XPC: variants seen among roughly 807,000 people sequenced by gnomAD.
XPC encodes DNA repair protein complementing XP-C cells.
A neutral mutation model predicts 95.8 loss-of-function variants in XPC; 76 were observed. The ratio of observed to expected loss-of-function variants is 0.79; its 90% CI spans 0.66 to 0.96. The LOEUF is 0.96. XPC is among the 40% of genes least tolerant of loss of function. XPC has a pLI of 0.00. For synonymous variants in XPC, 442 were observed against 442.1 expected, an observed-to-expected ratio of 1.00 and a Z score of 0.00; for missense variants, 1,146 against 1,179.8, an observed-to-expected ratio of 0.97 and a Z score of 0.42.
At position 14,147,971 on chromosome 3, in the gene XPC, G is replaced by C; in HGVS notation, c.2451C>G (p.Phe817Leu). ...CCCAGGCAGTCAGGAGCACGTCTTT[G>C]AATTCCTCGCAGACGATGTATCCAT... is the stretch of plus-strand genomic sequence containing the variant. ...VTDGYIVCEE[F>L]KDVLLTAWEN... The change falls in exon 14 of 16, where the codon TTC (phenylalanine) becomes TTG (leucine). Residue 817 changes from phenylalanine (F) to leucine (L), a missense_variant. Phe to Leu is a conservative substitution (Grantham distance 22, BLOSUM62 0). Transcript: ENST00000285021. 1 of 1,597,744 alleles carries C rather than the reference G, an allele frequency of 6.3e-7. No individual in the cohort carries two copies.
At chr3:14,157,806 C>T (rs767862766) in intron 9 of XPC, among the ~76,000 whole-genome samples, 2 of 152,134 alleles carry the variant, frequency 1.3e-5, no homozygotes, top group Non-Finnish European at 2.9e-5. Context: ...GCTCAAGCAC[C>T]GCGGCAGTTC....
chr3:14,172,629 G>A (rs1459964658), intron 2 of XPC, among the ~76,000 whole-genome samples: 1 of 152,180 alleles, frequency 6.6e-6, no homozygotes, highest in Non-Finnish European at 1.5e-5. Context: ...GAAGACCTGG[G>A]TTCTCCTGCT....
intron 10 of XPC, 197 bp from the exon 11 acceptor site, chr3:14,152,613 G>GTGTC (rs771356579): frequency 1.1e-5 from 6 of 532,684 alleles, no homozygotes; most frequent in Non-Finnish European, 1.6e-5. Flanking sequence ...TTTGGGGGAT[G>GTGTC]TGTCCACTTA....
chr3:14,147,699 G>A (rs1032538591), intron 14 of XPC: 45 of 600,272 alleles, frequency 7.5e-5, no homozygotes, highest in African/African-American at 3.4e-4. Flanking sequence ...CCCAGAGCCC[G>A]GACCCAGGCT....
At chr3:14,169,937 T>C (rs1245263830) in intron 3 of XPC, among the ~76,000 whole-genome samples, 1 of 152,220 alleles carries the variant, frequency 6.6e-6, no homozygotes, top group Non-Finnish European at 1.5e-5. Context: ...TTACTGTGAG[T>C]GTATGATACA....
rs193119441 is a variant in XPC at position 14,177,826 on chromosome 3, A to T, written c.103+640T>A. 2.4e-4 allele frequency among the ~76,000 whole-genome samples: 35 copies of T among 148,684 alleles called. 1 individual carries two copies. In the South Asian group the frequency reaches 4.5e-3, roughly 19 times the overall value. On this transcript the variant is annotated intron_variant, in intron 1 of 15. Transcript: ENST00000285021. ...ACTTGGACAGGGGCTGTGGTCATGGAAATGAAGAGAAGTGGACAAATTTGA... is the reference window on the plus strand; with the variant it reads ...ACTTGGACAGGGGCTGTGGTCATGGTAATGAAGAGAAGTGGACAAATTTGA...
intron 2 of XPC, among the ~76,000 whole-genome samples, chr3:14,171,421 G>A (rs1696607538): frequency 6.6e-6 from 1 of 152,176 alleles, no homozygotes; most frequent in Admixed American, 6.5e-5. Context: ...TCAGGGGAGA[G>A]GGAAAGGGGG....
chr3:14,159,597 C>T (rs886419294), intron 8 of XPC, 144 bp downstream of exon 8: 1 of 819,656 alleles, frequency 1.2e-6, no homozygotes, highest in Non-Finnish European at 2.0e-6. Flanking sequence ...CCAAGTCTTC[C>T]CTAACACAGG....
intron 1 of XPC, among the ~76,000 whole-genome samples, chr3:14,175,662 A>G (rs990923745): frequency 2.6e-5 from 4 of 152,248 alleles, no homozygotes; most frequent in Admixed American, 2.6e-4. Context: ...GTGCTTTAGT[A>G]ACACAAAGGA....
rs372920694 is a variant in XPC at position 14,158,760 on chromosome 3, C to G, written c.1123G>C (p.Gly375Arg). 6.2e-7 allele frequency: 1 copy of G among 1,613,848 alleles called. No individual in the cohort carries two copies. Among genetic ancestry groups the G allele is most frequent in the Non-Finnish European group, 8.5e-7 (1 of 1,179,866 alleles). ...CCTTTGGCACTTGGCCTGCAGGTGCCCTTAGCAAAGGTTTCCTCTTGTTTG... is the reference window on the plus strand; with the variant it reads ...CCTTTGGCACTTGGCCTGCAGGTGCGCTTAGCAAAGGTTTCCTCTTGTTTG... Reference protein sequence around the residue: ...GTKQEETFAKGTCRPSAKGKR... With the variant: ...GTKQEETFAKRTCRPSAKGKR... The change falls in exon 9 of 16, where the codon GGC becomes CGC. Residue 375 changes from glycine to arginine, a missense_variant. Physicochemically the swap from Gly to Arg is moderately radical, Grantham distance 125 (BLOSUM62 -2). Coordinates refer to ENST00000285021, the MANE Select transcript of XPC (RefSeq NM_004628.5). The surrounding 1 kb of genome is among the most constrained non-coding windows in gnomAD (Gnocchi z 5.2).
rs1180895832 is a variant in XPC, at chr3:14,158,066, G to C, written c.1817C>G (p.Thr606Ser). The C allele has an allele frequency of 1.2e-6, 2 of 1,613,508 alleles. No homozygotes were observed. Among genetic ancestry groups the C allele is most frequent in the Non-Finnish European group, 8.5e-7 (1 of 1,179,616 alleles). ...AAATGGGCTCTGGTATGGTCTCAAG[G>C]TCTCGGCCCACCACTCAGCATCAAC... ...CRVDAEWWAE[T>S]LRPYQSPFMD... Residue 606 changes from threonine to serine, a missense_variant, in exon 9 of 16, where the codon ACC becomes AGC. Physicochemically the swap from Thr to Ser is moderately conservative, Grantham distance 58. Transcript: ENST00000285021. The surrounding 1 kb of genome is among the most constrained non-coding windows in gnomAD (Gnocchi z 5.2).
intron 7 of XPC, among the ~76,000 whole-genome samples, chr3:14,160,224 T>C (rs999642357): frequency 6.6e-6 from 1 of 152,218 alleles, no homozygotes; most frequent in African/African-American, 2.4e-5. Flanking sequence ...GTAGTCAATA[T>C]GTGTTGCGTT....
chr3:14,166,168 T>G (rs1696370061), intron 5 of XPC, among the ~76,000 whole-genome samples: 1 of 152,168 alleles, frequency 6.6e-6, no homozygotes. Flanking sequence ...TTTCACATAC[T>G]GCTTTGTGTC....
Position 14,158,376 on chromosome 3 carries a change from T to A in XPC, c.1507A>T (p.Ser503Cys). 8.1e-6 allele frequency: 13 copies of A among 1,613,964 alleles called. No homozygotes were observed. The highest frequency in any genetic ancestry group is 1.0e-5 in the Non-Finnish European group (12 of 1,179,884). ...TTGCCTCTTTTACTGCTTGAAGAGC[T>A]TGAGGATGCCGCTGGCAAGCTTGGG... ...KDPSLPAASS[S>C]SSSSKRGKKM... is the part of the protein sequence containing the mutation. The change falls in exon 9 of 16, where the codon AGC becomes TGC. Residue 503 changes from serine (S) to cysteine (C), a missense_variant. Coordinates refer to ENST00000285021, the MANE Select transcript of XPC (RefSeq NM_004628.5). This position sits in a 1 kb window ranked among gnomAD's most constrained non-coding sequence, Gnocchi z 5.2.
intron 7 of XPC, among the ~76,000 whole-genome samples, chr3:14,161,628 T>C (rs1696169735): frequency 7.4e-6 from 1 of 134,296 alleles, no homozygotes; most frequent in African/African-American, 2.8e-5. Context: ...GCTTTCATGA[T>C]TAAAAAAAAA....
Position 14,167,163 on chromosome 3 carries a change from C to T in XPC, c.621+6G>A. ...AAAGTCCTTCCCCATCATTCCTTGC[C>T]CTTACCTTGTGTGTGTCCTCATGGA... On this transcript the variant is annotated splice_donor_region_variant and intron_variant, in intron 5 of 15. Coordinates refer to ENST00000285021, the MANE Select transcript of XPC (RefSeq NM_004628.5). 3 of 1,590,328 alleles carry T rather than the reference C, an allele frequency of 1.9e-6. No individual in the cohort carries two copies. Among genetic ancestry groups the T allele is most frequent in the Non-Finnish European group, 2.6e-6 (3 of 1,166,772 alleles).
At chr3:14,170,902 T>C (rs957587245) in intron 2 of XPC, among the ~76,000 whole-genome samples, 1 of 152,348 alleles carries the variant, frequency 6.6e-6, no homozygotes, top group East Asian at 1.9e-4. Flanking sequence ...ATATGTGCAG[T>C]TGGAGGCCAG....
In XPC at chr3:14,147,916, C is replaced by G. The variant is rs936818784; in HGVS notation, c.2506G>C (p.Glu836Gln). 3 of 1,600,654 alleles carry G rather than the reference C, an allele frequency of 1.9e-6. No homozygotes were observed. The highest frequency in any genetic ancestry group is 3.4e-5 in the Admixed American group (2 of 58,274). The change falls in exon 14 of 16, where the codon GAG becomes CAG. Residue 836 changes from glutamate (E) to glutamine (Q), a missense_variant. Glu to Gln is a conservative substitution (Grantham distance 29). Coordinates refer to ENST00000285021, the MANE Select transcript of XPC (RefSeq NM_004628.5). ...ENEQAVIERKEKEKKEKRALG... is the reference protein window; with the variant it reads ...ENEQAVIERKQKEKKEKRALG... ...CCTGCATATGCGCTTACCTCCTTCT[C>G]CTTCCTTTCAATGACTGCCTGCTCA...
intron 1 of XPC, among the ~76,000 whole-genome samples, chr3:14,173,984 A>T (rs115310228): frequency 0.023 from 3,463 of 152,200 alleles, 125 homozygotes; most frequent in African/African-American, 0.078. Flanking sequence ...CAGTCTTTTC[A>T]TTGTTTGTCT....
Sources: allele counts gnomAD v4.1 joint callset (sites outside exome capture counted in the v4.1 genomes callset), GRCh38; gene constraint gnomAD v4.1.1; non-coding constraint Gnocchi (gnomAD v3.1); transcripts MANE v1.5; gene names NCBI Gene and HGNC (gene_info 2026-07-23, HGNC 2026-07-21).